FBXL17: variants seen among roughly 807,000 people sequenced by gnomAD.
FBXL17 encodes the protein F-box and leucine rich repeat protein 17, also known as F-box/LRR-repeat protein 17.
A neutral mutation model predicts 66.2 loss-of-function variants in FBXL17; 22 were observed. That is an observed-to-expected ratio of 0.33 (90% CI 0.24 to 0.47). The LOEUF (loss-of-function observed/expected upper bound fraction) is 0.47. FBXL17 is among the 20% of genes least tolerant of loss of function. FBXL17 has a pLI of 1.00. For synonymous variants in FBXL17, 474 were observed against 400.5 expected (o/e 1.18, Z -2.19); for missense variants, 878 against 948.2 (o/e 0.93, Z 0.97).
chr5:107,947,085 G>A (rs1561333815), intron 7 of FBXL17, among the ~76,000 whole-genome samples: 1 of 152,134 alleles, frequency 6.6e-6, no homozygotes. Context: ...ACGTCTCTCA[G>A]TAAACTCCAG....
intron 4 of FBXL17, among the ~76,000 whole-genome samples, chr5:108,334,327 A>G (rs1209152999): frequency 6.6e-6 from 1 of 152,116 alleles, no homozygotes; most frequent in Non-Finnish European, 1.5e-5. Context: ...CCAGAAAGAG[A>G]GCCTATTTTC....
At chr5:108,034,655 A>C (rs1387459842) in intron 6 of FBXL17, among the ~76,000 whole-genome samples, 1 of 152,210 alleles carries the variant, frequency 6.6e-6, no homozygotes, top group African/African-American at 2.4e-5. Flanking sequence ...AACATGCTAA[A>C]ACCTTAGAAG....
chr5:108,350,613 A>G (rs552592670), intron 3 of FBXL17, among the ~76,000 whole-genome samples: 1 of 152,316 alleles, frequency 6.6e-6, no homozygotes, highest in South Asian at 2.1e-4. Flanking sequence ...AACTTCATAG[A>G]AAGGATTAGG....
intron 6 of FBXL17, among the ~76,000 whole-genome samples, chr5:108,041,012 G>A (rs911778014): frequency 1.3e-5 from 2 of 152,094 alleles, no homozygotes; most frequent in Non-Finnish European, 2.9e-5. Context: ...ATACAGACCA[G>A]GTTATATAAT....
intron 3 of FBXL17, among the ~76,000 whole-genome samples, chr5:108,360,575 C>A (rs545348098): frequency 1.3e-3 from 195 of 152,142 alleles, no homozygotes; most frequent in African/African-American, 4.2e-3. Flanking sequence ...ATCTCTTTGA[C>A]ATTATCCTCC....
intron 5 of FBXL17, among the ~76,000 whole-genome samples, chr5:108,211,648 T>C (rs956493668): frequency 1.3e-5 from 2 of 152,254 alleles, no homozygotes; most frequent in African/African-American, 2.4e-5. Flanking sequence ...ATGTTGAATA[T>C]TGGCCCCCAC....
At chr5:107,878,090 C>CT (rs1748666602) in intron 8 of FBXL17, 1 of 257,294 alleles carries the variant, frequency 3.9e-6, no homozygotes, top group Admixed American at 6.5e-5. Context: ...ATACCAAATA[C>CT]TAAGTGTCCT....
At chr5:108,039,140 G>T (rs1240916890) in intron 6 of FBXL17, among the ~76,000 whole-genome samples, 2 of 151,918 alleles carry the variant, frequency 1.3e-5, no homozygotes, top group Admixed American at 6.6e-5. Context: ...ACAAGTTTTT[G>T]TTCTTTAATG....
At chr5:108,187,196 T>C (rs1753272939) in intron 5 of FBXL17, among the ~76,000 whole-genome samples, 1 of 152,230 alleles carries the variant, frequency 6.6e-6, no homozygotes. Flanking sequence ...AGCAAATTAA[T>C]GATAATATTT....
chr5:108,108,773 A>C (rs1454171149), intron 6 of FBXL17, among the ~76,000 whole-genome samples: 1 of 147,452 alleles, frequency 6.8e-6, no homozygotes, highest in African/African-American at 2.5e-5. Context: ...CAAAAGACTC[A>C]CACTTTGTTT....
At chr5:108,105,916 C>T (rs1317415018) in intron 6 of FBXL17, among the ~76,000 whole-genome samples, 3 of 152,014 alleles carry the variant, frequency 2.0e-5, no homozygotes, top group Non-Finnish European at 2.9e-5. Flanking sequence ...CGGAGGGAGA[C>T]TGAAAAGGAA....
intron 4 of FBXL17, among the ~76,000 whole-genome samples, chr5:108,344,335 T>A (rs1346899232): frequency 6.6e-6 from 1 of 152,122 alleles, no homozygotes; most frequent in Non-Finnish European, 1.5e-5. Context: ...ACTAAGAGAC[T>A]GAAAAGTAAA....
At chr5:107,900,099 A>G (rs546730362) in intron 7 of FBXL17, among the ~76,000 whole-genome samples, 1 of 152,340 alleles carries the variant, frequency 6.6e-6, no homozygotes, top group East Asian at 1.9e-4. Flanking sequence ...ATTTCAAGAT[A>G]TATGAAAACA....
chr5:108,010,368 A>G (rs187845787), intron 7 of FBXL17, among the ~76,000 whole-genome samples: 3 of 152,320 alleles, frequency 2.0e-5, no homozygotes, highest in Admixed American at 1.3e-4. Context: ...AACTTCTCCA[A>G]AAGTAGAAAA....
intron 6 of FBXL17, among the ~76,000 whole-genome samples, chr5:108,048,602 T>C (rs1351882689): frequency 6.6e-6 from 1 of 152,116 alleles, no homozygotes; most frequent in Admixed American, 6.6e-5. Context: ...CCAGTTTAAA[T>C]AGAAACATAA....
chr5:107,888,724 T>G (rs1336240616), intron 7 of FBXL17, among the ~76,000 whole-genome samples: 1 of 152,010 alleles, frequency 6.6e-6, no homozygotes, highest in Non-Finnish European at 1.5e-5. Flanking sequence ...TGCTGTATAA[T>G]GTTTCATTCT....
chr5:107,992,901 C>T (rs1186296362), intron 7 of FBXL17, among the ~76,000 whole-genome samples: 1 of 151,748 alleles, frequency 6.6e-6, no homozygotes, highest in East Asian at 1.9e-4. Context: ...TTTTTCCTTC[C>T]TCTTTTTTTT....
intron 6 of FBXL17, among the ~76,000 whole-genome samples, chr5:108,177,002 G>C (rs1752817305): frequency 6.6e-6 from 1 of 152,130 alleles, no homozygotes; most frequent in East Asian, 1.9e-4. Flanking sequence ...ATTTGATGAA[G>C]ATAACTTTCT....
intron 4 of FBXL17, among the ~76,000 whole-genome samples, chr5:108,251,289 C>A (rs1273204293): frequency 6.6e-6 from 1 of 151,930 alleles, no homozygotes; most frequent in African/African-American, 2.4e-5. Context: ...GTAAAAAATA[C>A]CTCAATGAGG....
Sources: allele counts gnomAD v4.1 joint callset (sites outside exome capture counted in the v4.1 genomes callset), GRCh38; gene constraint gnomAD v4.1.1; transcripts MANE v1.5; gene names NCBI Gene and HGNC (gene_info 2026-07-23, HGNC 2026-07-21).